The following MAP2K5 variants were observed in gnomAD, a reference collection of about 807,000 sequenced individuals.
The protein encoded by MAP2K5 is dual specificity mitogen-activated protein kinase kinase 5.
MAP2K5 carries 49 observed loss-of-function variants against 83.1 expected under a neutral mutation model. The observed-to-expected ratio is 0.59, with a 90% CI of 0.47 to 0.75. The LOEUF is 0.75. Ranked by LOEUF, MAP2K5 falls within the 30% of genes least tolerant of loss-of-function variation. MAP2K5 has a pLI of 0.00. For missense variants in MAP2K5, 457 were observed against 557.5 expected, an observed-to-expected ratio of 0.82 and a Z score of 1.82; for synonymous variants, 202 against 191.8, an observed-to-expected ratio of 1.05 and a Z score of -0.44.
chr15:67,650,028 T>C (rs1029858618), intron 11 of MAP2K5, among the ~76,000 whole-genome samples: 2 of 152,238 alleles, frequency 1.3e-5, no homozygotes, highest in Non-Finnish European at 2.9e-5. Context: ...TTTTCAATGA[T>C]TTAAAAATAA....
chr15:67,765,485 G>C (rs1487525401), intron 19 of MAP2K5, among the ~76,000 whole-genome samples: 1 of 152,168 alleles, frequency 6.6e-6, no homozygotes, highest in Admixed American at 6.5e-5. Context: ...ATGGGGGCGG[G>C]GAGTTGCAGG....
chr15:67,558,849 G>A (rs2084679959), intron 2 of MAP2K5, among the ~76,000 whole-genome samples: 1 of 152,194 alleles, frequency 6.6e-6, no homozygotes, highest in South Asian at 2.1e-4. Flanking sequence ...TTCCATGAAG[G>A]CAGGATTTTG....
chr15:67,657,780 G>A (rs2087124566), intron 11 of MAP2K5, among the ~76,000 whole-genome samples: 1 of 151,570 alleles, frequency 6.6e-6, no homozygotes, highest in African/African-American at 2.4e-5. Flanking sequence ...GCATACATAT[G>A]TTTGTATATG....
At chr15:67,605,771 A>T (rs2085765361) in intron 8 of MAP2K5, among the ~76,000 whole-genome samples, 1 of 152,150 alleles carries the variant, frequency 6.6e-6, no homozygotes, top group African/African-American at 2.4e-5. Context: ...AGTTTTAAGG[A>T]TAAAATAGAC....
At chr15:67,670,141 A>G (rs950948985) in intron 13 of MAP2K5, among the ~76,000 whole-genome samples, 1 of 152,160 alleles carries the variant, frequency 6.6e-6, no homozygotes, top group Non-Finnish European at 1.5e-5. Context: ...ATGTAACAAC[A>G]TGGGTGAATA....
intron 9 of MAP2K5, among the ~76,000 whole-genome samples, chr15:67,632,740 C>T (rs1417873994): frequency 6.6e-6 from 1 of 152,128 alleles, no homozygotes; most frequent in Non-Finnish European, 1.5e-5. Context: ...TTTTTCTCAT[C>T]TAGAAAACTA....
At chr15:67,603,658 T>C (rs1161549159) in intron 8 of MAP2K5, among the ~76,000 whole-genome samples, 1 of 152,194 alleles carries the variant, frequency 6.6e-6, no homozygotes, top group Admixed American at 6.5e-5. Flanking sequence ...ATTGTTCTTA[T>C]ATCCCTGGCT....
chr15:67,671,228 G>A (rs1385641884), intron 13 of MAP2K5, among the ~76,000 whole-genome samples: 2 of 152,116 alleles, frequency 1.3e-5, no homozygotes, highest in Non-Finnish European at 2.9e-5. Context: ...AAATCAGAGA[G>A]ACATAAAAGA....
chr15:67,595,555 TAAAC>T (rs1408541542), intron 7 of MAP2K5, among the ~76,000 whole-genome samples: 4 of 152,200 alleles, frequency 2.6e-5, no homozygotes, highest in African/African-American at 9.6e-5. Context: ...ACACAGACAA[TAAAC>T]AAAGAATATT....
In MAP2K5 at chr15:67,736,349, A is replaced by C. The variant is rs1287674827; in HGVS notation, c.1074+8404A>C. 6.6e-6 allele frequency among the ~76,000 whole-genome samples: 1 copy of C among 152,222 alleles called. No individual in the cohort carries two copies. The highest frequency in any genetic ancestry group is 6.5e-5 in the Admixed American group (1 of 15,284). On this transcript the variant is annotated intron_variant, in intron 17 of 21. Coordinates refer to ENST00000178640, the MANE Select transcript of MAP2K5 (RefSeq NM_145160.3). This position sits in a 1 kb window ranked among gnomAD's most constrained non-coding sequence, Gnocchi z 4.3. ...CCACCCTTTATGAATTTGGCTTGGT[A>C]TATCACGGCATTTTCTAGACTGCTG...
chr15:67,625,896 C>G (rs781677656), intron 8 of MAP2K5, among the ~76,000 whole-genome samples: 9 of 152,130 alleles, frequency 5.9e-5, no homozygotes, highest in Non-Finnish European at 1.3e-4. Flanking sequence ...GCTTTCTTGA[C>G]AAGCTAATTA....
chr15:67,586,011 C>A, intron 5 of MAP2K5, 81 bp downstream of exon 5: 1 of 1,273,116 alleles, frequency 7.9e-7, no homozygotes, highest in Non-Finnish European at 1.1e-6. Flanking sequence ...TCAAATAAAA[C>A]TGCACTTTCT....
chr15:67,707,104 A>G (rs1452266776), intron 16 of MAP2K5, among the ~76,000 whole-genome samples: 1 of 152,122 alleles, frequency 6.6e-6, no homozygotes, highest in Non-Finnish European at 1.5e-5. Context: ...TTTAGTAGAG[A>G]CAGGGTTTCA....
intron 16 of MAP2K5, 132 bp from the exon 17 acceptor site, chr15:67,727,784 G>C: frequency 1.3e-6 from 1 of 758,304 alleles, no homozygotes; most frequent in Admixed American, 1.8e-5. Context: ...CAATAATTTA[G>C]TTTGTACATT....
chr15:67,639,144 A>C (rs543174402), intron 9 of MAP2K5, among the ~76,000 whole-genome samples: 1 of 152,220 alleles, frequency 6.6e-6, no homozygotes, highest in South Asian at 2.1e-4. Context: ...TAATTAAACT[A>C]AAGAGCTGCA....
intron 8 of MAP2K5, among the ~76,000 whole-genome samples, chr15:67,602,519 A>G (rs1244676548): frequency 1.3e-5 from 2 of 152,188 alleles, no homozygotes; most frequent in Non-Finnish European, 1.5e-5. Context: ...TTGAAGGTCT[A>G]TTGTGAATTT....
At chr15:67,663,736 A>G (rs759466384) in intron 12 of MAP2K5, among the ~76,000 whole-genome samples, 2 of 152,086 alleles carry the variant, frequency 1.3e-5, no homozygotes, top group South Asian at 2.1e-4. Flanking sequence ...TTAGCAGGGT[A>G]TGGTGGTGTG....
intron 14 of MAP2K5, among the ~76,000 whole-genome samples, chr15:67,693,060 C>T (rs184571699): frequency 6.6e-6 from 1 of 152,186 alleles, no homozygotes; most frequent in Non-Finnish European, 1.5e-5. Flanking sequence ...CCCAGCCAAA[C>T]ACGAAGACCA....
intron 9 of MAP2K5, chr15:67,642,323 G>A (rs148984531): frequency 2.0e-5 from 17 of 856,578 alleles, no homozygotes; most frequent in African/African-American, 1.5e-4. Context: ...TAGACCCTGT[G>A]TGGAGTGCTG....
Sources: allele counts gnomAD v4.1 joint callset (sites outside exome capture counted in the v4.1 genomes callset), GRCh38; gene constraint gnomAD v4.1.1; non-coding constraint Gnocchi (gnomAD v3.1); transcripts MANE v1.5; gene names NCBI Gene and HGNC (gene_info 2026-07-23, HGNC 2026-07-21).